The following SNRPA1 variants were observed in gnomAD, a reference collection of about 807,000 sequenced individuals.
The protein encoded by SNRPA1 is U2 small nuclear ribonucleoprotein A'.
Under a neutral mutation model 32.3 loss-of-function variants are expected in SNRPA1, and 5 were observed. The observed-to-expected ratio is 0.15, with a 90% CI of 0.08 to 0.33. The LOEUF is 0.33. Among genes scored for constraint, SNRPA1 ranks in the 10% least tolerant of loss-of-function variants. The probability of loss-of-function intolerance (pLI) is 1.00; values close to 1 mark genes in which losing one functional copy is unlikely to be tolerated. For synonymous variants in SNRPA1, 111 were observed against 120.1 expected, an observed-to-expected ratio of 0.92 and a Z score of 0.50; for missense variants, 198 against 311.1, an observed-to-expected ratio of 0.64 and a Z score of 2.74.
intron 1 of SNRPA1, among the ~76,000 whole-genome samples, chr15:101,294,230 C>CCATCT (rs1292883187): frequency 6.6e-6 from 1 of 152,222 alleles, no homozygotes; most frequent in African/African-American, 2.4e-5. Flanking sequence ...GAGCGAGACT[C>CCATCT]CATCTCAACA....
At chr15:101,287,454 G>C (rs189979748) in intron 4 of SNRPA1, among the ~76,000 whole-genome samples, 13 of 151,978 alleles carry the variant, frequency 8.6e-5, no homozygotes, top group African/African-American at 2.9e-4. Flanking sequence ...TTGTCCTTGC[G>C]ATAGTTTGCT....
chr15:101,291,501 A>T (rs2039525553), intron 3 of SNRPA1, among the ~76,000 whole-genome samples: 1 of 148,384 alleles, frequency 6.7e-6, no homozygotes, highest in African/African-American at 2.5e-5. Flanking sequence ...GATATAAAAA[A>T]ATTACTGAGA....
intron 2 of SNRPA1, chr15:101,292,797 T>C: frequency 3.2e-6 from 1 of 312,986 alleles, no homozygotes. Flanking sequence ...GGTTAATCTC[T>C]GGATCTCTAT....
chr15:101,290,123 T>C (rs1208932047), intron 3 of SNRPA1, among the ~76,000 whole-genome samples: 1 of 152,000 alleles, frequency 6.6e-6, no homozygotes, highest in African/African-American at 2.4e-5. Context: ...CACAACATAA[T>C]AAAAAGTTTC....
chr15:101,286,077 G>A, intron 6 of SNRPA1, 137 bp downstream of exon 6: 1 of 721,176 alleles, frequency 1.4e-6, no homozygotes, highest in Non-Finnish European at 2.3e-6. Context: ...TGATGTACAT[G>A]GACTATAAGC....
At chr15:101,290,740 ATTTTTTTT>A (rs766825971) in intron 3 of SNRPA1, among the ~76,000 whole-genome samples, 2 of 118,576 alleles carry the variant, frequency 1.7e-5, no homozygotes, top group African/African-American at 6.7e-5. Flanking sequence ...CACTTTTGGC[ATTTTTTTT>A]TTTTTTTTTT....
Position 101,295,247 on chromosome 15 carries a change from G to T in SNRPA1, c.-69C>A. ...TCCCGCCAGCGAGACGTCCCAGCGT[G>T]CCCCGCGCCCCGCCGCCAGGCAGCA... On this transcript the variant is annotated 5_prime_UTR_variant, in exon 1 of 9. Transcript: ENST00000254193. The T allele has an allele frequency of 7.6e-7, 1 of 1,318,806 alleles. No homozygotes were observed. 81.7% of individuals were successfully genotyped at this position (1,318,806 alleles called of 1,614,324 possible).
intron 4 of SNRPA1, 145 bp downstream of exon 4, chr15:101,287,510 GA>G (rs1392076791): frequency 1.5e-6 from 1 of 655,954 alleles, no homozygotes; most frequent in African/African-American, 1.8e-5. Flanking sequence ...CAGAGGACAT[GA>G]ACTCATCCTT....
At chr15:101,292,564 G>GT (rs1475222381) in intron 2 of SNRPA1, among the ~76,000 whole-genome samples, 1 of 149,580 alleles carries the variant, frequency 6.7e-6, no homozygotes, top group Non-Finnish European at 1.5e-5. Flanking sequence ...ATTTCAATAA[G>GT]TAACAGTCTA....
chr15:101,288,884 T>A (rs6598445), intron 3 of SNRPA1, among the ~76,000 whole-genome samples: 1 of 152,012 alleles, frequency 6.6e-6, no homozygotes, highest in East Asian at 1.9e-4. Flanking sequence ...AAGAGCAATT[T>A]GGGCCCTCAC....
intron 2 of SNRPA1, 89 bp from the exon 3 acceptor site, chr15:101,292,129 CACTT>C (rs2039532811): frequency 4.5e-6 from 4 of 887,068 alleles, no homozygotes; most frequent in Non-Finnish European, 7.4e-6. Flanking sequence ...CACAGAGAGA[CACTT>C]AGAGATCCTT....
intron 1 of SNRPA1, among the ~76,000 whole-genome samples, chr15:101,294,249 CACAAA>C (rs2039561400): frequency 2.0e-5 from 3 of 152,196 alleles, no homozygotes; most frequent in Admixed American, 2.0e-4. Context: ...CACAACACAA[CACAAA>C]ACAGTGGGAT....
chr15:101,282,593 A>T (rs1264484235), intron 8 of SNRPA1, among the ~76,000 whole-genome samples: 1 of 152,234 alleles, frequency 6.6e-6, no homozygotes, highest in African/African-American at 2.4e-5. Flanking sequence ...TGAACTTTTC[A>T]TACTCTTACT....
At chr15:101,285,984 T>G in intron 6 of SNRPA1, 183 bp from the exon 7 acceptor site, 1 of 630,924 alleles carries the variant, frequency 1.6e-6, no homozygotes, top group East Asian at 2.7e-5. Context: ...GAAAATAGGA[T>G]GTACATGGTA....
intron 7 of SNRPA1, among the ~76,000 whole-genome samples, chr15:101,285,393 C>T (rs1317354281): frequency 6.6e-6 from 1 of 152,122 alleles, no homozygotes; most frequent in African/African-American, 2.4e-5. Context: ...CCCTACTGAT[C>T]AGTCAAAAGG....
intron 8 of SNRPA1, 115 bp from the exon 9 acceptor site, chr15:101,281,897 G>A (rs964856635): frequency 1.3e-5 from 13 of 976,388 alleles, no homozygotes; most frequent in Non-Finnish European, 1.9e-5. Flanking sequence ...GGTACAAAAA[G>A]ATCAAAAGCA....
At chr15:101,290,594 T>C (rs1430566038) in intron 3 of SNRPA1, among the ~76,000 whole-genome samples, 1 of 149,868 alleles carries the variant, frequency 6.7e-6, no homozygotes, top group East Asian at 2.0e-4. Context: ...TTTTTTGAGA[T>C]GAGGTCTTGC....
chr15:101,284,629 A>C lies in SNRPA1; in HGVS notation c.709+338T>G, dbSNP rs372715538. On this transcript the variant is annotated intron_variant, in intron 8 of 8. Coordinates refer to ENST00000254193, the MANE Select transcript of SNRPA1 (RefSeq NM_003090.4). ...GCGATTCTCCTGCCTCAGCCTCCCG[A>C]GTAGCTGGGATTACAGGCGCGCACC... The C allele has an allele frequency of 1.2e-4, 22 of 183,030 alleles. 2 individuals carry two copies. Among genetic ancestry groups the C allele is most frequent in the Middle Eastern group, 2.6e-3 (1 of 382 alleles). The allele number at this position is 183,030 out of a possible 1,614,324, so 11.3% of individuals were successfully genotyped here. A position where few individuals can be genotyped will look rare whatever the true frequency, so the allele number is the denominator to read the frequency against.
intron 3 of SNRPA1, among the ~76,000 whole-genome samples, chr15:101,289,640 T>A (rs2039497002): frequency 6.6e-6 from 1 of 151,866 alleles, no homozygotes; most frequent in Non-Finnish European, 1.5e-5. Flanking sequence ...TTGTAAAAAA[T>A]TCCAACCAGA....
Sources: gnomAD v4.1 joint callset for allele counts (sites outside exome capture counted in the v4.1 genomes callset) on GRCh38, gnomAD v4.1.1 for gene constraint, MANE v1.5 for transcripts, NCBI Gene and HGNC (gene_info 2026-07-23, HGNC 2026-07-21) for gene names.